The following RANBP2 variants were observed in gnomAD, a reference collection of about 807,000 sequenced individuals.
RANBP2 encodes RAN binding protein 2, also known as E3 SUMO-protein ligase RanBP2.
In RANBP2, 57 loss-of-function variants were observed where a neutral mutation model predicts 303.6. The observed-to-expected ratio is 0.19, with a 90% CI of 0.15 to 0.23. The LOEUF (loss-of-function observed/expected upper bound fraction) is 0.23, where lower values mean the gene tolerates loss of function less well. Among genes scored for constraint, RANBP2 ranks in the 10% least tolerant of loss-of-function variants. The probability of loss-of-function intolerance (pLI) is 1.00; values close to 1 mark genes in which losing one functional copy is unlikely to be tolerated. For missense variants in RANBP2, 3,138 were observed against 3,780.8 expected, an observed-to-expected ratio of 0.83 and a Z score of 4.46; for synonymous variants, 1,167 against 1,301.5, an observed-to-expected ratio of 0.90 and a Z score of 2.23.
the RANBP2 span, among the ~76,000 whole-genome samples, chr2:109,009,778 C>T: frequency 6.9e-6 from 1 of 144,468 alleles, no homozygotes; most frequent in Non-Finnish European, 1.5e-5. Context: ...AAGTCTTGGG[C>T]TCAAGCCATT....
chr2:109,586,503 T>C, the RANBP2 span, among the ~76,000 whole-genome samples: 1 of 152,058 alleles, frequency 6.6e-6, no homozygotes, highest in African/African-American at 2.4e-5. Flanking sequence ...CCATTGGAGA[T>C]TGGGGCAGGC....
chr2:109,701,766 C>T, the RANBP2 span, among the ~76,000 whole-genome samples: 561 of 152,250 alleles, frequency 3.7e-3, 2 homozygotes, highest in African/African-American at 0.013. Flanking sequence ...GTTTTCCTGA[C>T]ATAGTTCCCA....
chr2:108,985,290 G>A, the RANBP2 span, among the ~76,000 whole-genome samples: 11 of 152,168 alleles, frequency 7.2e-5, no homozygotes, highest in South Asian at 6.2e-4. Context: ...TAAGAGTAAC[G>A]TGACTGTGGT....
chr2:109,496,961 A>C, the RANBP2 span, among the ~76,000 whole-genome samples: 1 of 152,170 alleles, frequency 6.6e-6, no homozygotes, highest in African/African-American at 2.4e-5. Flanking sequence ...AAGATGGAGG[A>C]AGAAGCCTCC....
chr2:109,282,833 G>A, the RANBP2 span, among the ~76,000 whole-genome samples: 190 of 152,282 alleles, frequency 1.2e-3, no homozygotes, highest in Middle Eastern at 6.8e-3. Context: ...AGGAGGAGGT[G>A]GAGGGGTAAT....
At chr2:109,315,211 G>A in the RANBP2 span, among the ~76,000 whole-genome samples, 25 of 152,344 alleles carry the variant, frequency 1.6e-4, no homozygotes, top group African/African-American at 5.8e-4. Flanking sequence ...TCAAGTGTGA[G>A]TCCTCTGAGT....
chr2:109,470,656 G>T, the RANBP2 span, among the ~76,000 whole-genome samples: 3 of 152,202 alleles, frequency 2.0e-5, no homozygotes, highest in Non-Finnish European at 2.9e-5. Context: ...CGCATGGGGT[G>T]CCTAGAAACT....
chr2:109,588,816 G>A, the RANBP2 span, among the ~76,000 whole-genome samples: 184 of 149,344 alleles, frequency 1.2e-3, no homozygotes, highest in African/African-American at 4.4e-3. Flanking sequence ...TTGAAGGTTG[G>A]GTGTGGTAAG....
chr2:108,760,708 A>G (rs1057363522), intron 18 of RANBP2, among the ~76,000 whole-genome samples: 1 of 152,190 alleles, frequency 6.6e-6, no homozygotes, highest in African/African-American at 2.4e-5. Flanking sequence ...TGCCATCTTC[A>G]ACGTGGGTAC....
chr2:108,784,756 A>G lies in RANBP2; in HGVS notation c.*855A>G, dbSNP rs1224090817. 1 of 152,562 alleles carries G rather than the reference A, an allele frequency of 6.6e-6. No homozygotes were observed. Among genetic ancestry groups the G allele is most frequent in the East Asian group, 1.9e-4 (1 of 5,188 alleles). The allele number at this position is 152,562 out of a possible 1,614,324, so 9.5% of individuals were successfully genotyped here. ...ATTGTTGCAGTACCTTTTTCTGGTA[A>G]ATTTTGTAGCAGAAATAAAATGACA... is the stretch of plus-strand genomic sequence containing the variant. On this transcript the variant is annotated 3_prime_UTR_variant, in exon 29 of 29. Transcript: ENST00000283195.
the RANBP2 span, among the ~76,000 whole-genome samples, chr2:109,049,336 T>G: frequency 6.6e-6 from 1 of 152,214 alleles, no homozygotes; most frequent in Non-Finnish European, 1.5e-5. Context: ...CTTCTCTCCC[T>G]AGCACTATTT....
At chr2:109,403,949 A>G in the RANBP2 span, among the ~76,000 whole-genome samples, 1 of 152,150 alleles carries the variant, frequency 6.6e-6, no homozygotes, top group Non-Finnish European at 1.5e-5. Context: ...TGGTAGGTGT[A>G]CCTTGAGTGT....
the RANBP2 span, among the ~76,000 whole-genome samples, chr2:109,382,865 C>A: frequency 6.6e-6 from 1 of 152,196 alleles, no homozygotes; most frequent in Non-Finnish European, 1.5e-5. Flanking sequence ...ATGAACCCTG[C>A]CCCAATCTGA....
chr2:109,293,479 TTCTC>T, the RANBP2 span, among the ~76,000 whole-genome samples: 66 of 152,268 alleles, frequency 4.3e-4, no homozygotes, highest in African/African-American at 1.6e-3. Context: ...CCCTGCCCCC[TTCTC>T]TCTCCACTGC....
the RANBP2 span, among the ~76,000 whole-genome samples, chr2:109,160,282 G>A: frequency 6.6e-6 from 1 of 152,206 alleles, no homozygotes; most frequent in Non-Finnish European, 1.5e-5. Context: ...GCATGAGGTT[G>A]CTGCCCAAGA....
the RANBP2 span, among the ~76,000 whole-genome samples, chr2:109,705,272 G>A: frequency 6.6e-6 from 1 of 151,904 alleles, no homozygotes; most frequent in Non-Finnish European, 1.5e-5. Context: ...CGGTGTGGTG[G>A]TGCATGTCTG....
At chr2:109,631,842 G>C in the RANBP2 span, among the ~76,000 whole-genome samples, 1 of 152,110 alleles carries the variant, frequency 6.6e-6, no homozygotes, top group Non-Finnish European at 1.5e-5. Flanking sequence ...TCCTGGTATG[G>C]AGACTCTAAA....
chr2:109,132,083 G>A, the RANBP2 span, among the ~76,000 whole-genome samples: 1 of 152,178 alleles, frequency 6.6e-6, no homozygotes, highest in African/African-American at 2.4e-5. Context: ...CATTGGAATT[G>A]CTTGACTCCT....
At chr2:109,108,374 T>C in the RANBP2 span, among the ~76,000 whole-genome samples, 4 of 152,160 alleles carry the variant, frequency 2.6e-5, no homozygotes, top group African/African-American at 9.7e-5. Flanking sequence ...TTCTTATCAA[T>C]TTATATTTAG....
Sources: allele counts gnomAD v4.1 joint callset (sites outside exome capture counted in the v4.1 genomes callset), GRCh38; gene constraint gnomAD v4.1.1; transcripts MANE v1.5; gene names NCBI Gene and HGNC (gene_info 2026-07-23, HGNC 2026-07-21).